Variants in AMZ1 observed in about 807,000 individuals in gnomAD.
The protein encoded by AMZ1 is archaelysin family metallopeptidase 1.
A neutral mutation model predicts 29.9 loss-of-function variants in AMZ1; 39 were observed. That is an observed-to-expected ratio of 1.30 (90% CI 1.01 to 1.70). The LOEUF (loss-of-function observed/expected upper bound fraction) is 1.70, where lower values mean the gene tolerates loss of function less well. Ranked by LOEUF, AMZ1 falls within the 40% of genes most tolerant of loss-of-function variation. The probability of loss-of-function intolerance (pLI) is 0.00; values close to 1 mark genes in which losing one functional copy is unlikely to be tolerated. For missense variants in AMZ1, 1,041 were observed against 680.6 expected, an observed-to-expected ratio of 1.53 and a Z score of -5.89; for synonymous variants, 458 against 304.0, an observed-to-expected ratio of 1.51 and a Z score of -5.27.
At chr7:2,749,867 A>G (rs1279992821) in intron 4 of AMZ1, among the ~76,000 whole-genome samples, 1 of 152,192 alleles carries the variant, frequency 6.6e-6, no homozygotes, top group Non-Finnish European at 1.5e-5. Context: ...TCCAATCTCA[A>G]AAAGAGAAAA....
At chr7:2,684,483 C>T (rs779413232), upstream of AMZ1, among the ~76,000 whole-genome samples, 10 of 152,232 alleles carry the variant, frequency 6.6e-5, no homozygotes, top group East Asian at 3.8e-4. Context: ...AACCCCAAGT[C>T]GGCCTGGGTC....
intron 1 of AMZ1, among the ~76,000 whole-genome samples, chr7:2,693,448 C>T (rs1419167948): frequency 1.3e-5 from 2 of 152,176 alleles, no homozygotes; most frequent in African/African-American, 2.4e-5. Flanking sequence ...GGTGCGATCA[C>T]AGCTCACTGC....
chr7:2,727,018 T>C (rs1395064075), intron 4 of AMZ1, among the ~76,000 whole-genome samples: 1 of 152,228 alleles, frequency 6.6e-6, no homozygotes, highest in Non-Finnish European at 1.5e-5. Context: ...TTTAGGTGTA[T>C]ATGCTGCCAT....
At chr7:2,722,876 G>A (rs1021633765), downstream of AMZ1, among the ~76,000 whole-genome samples, 22 of 152,146 alleles carry the variant, frequency 1.4e-4, no homozygotes, top group Non-Finnish European at 2.4e-4. Flanking sequence ...TACTTGGAAG[G>A]CCAAGGTGGG....
intron 4 of AMZ1, chr7:2,728,256 G>A (rs980100112): frequency 2.6e-5 from 4 of 152,242 alleles, no homozygotes; most frequent in African/African-American, 9.7e-5. Flanking sequence ...CATTCCAATG[G>A]GAGCCTCTGC....
At chr7:2,753,822 G>C (rs1791153035) in intron 4 of AMZ1, among the ~76,000 whole-genome samples, 1 of 151,904 alleles carries the variant, frequency 6.6e-6, no homozygotes, top group Non-Finnish European at 1.5e-5. Flanking sequence ...GTTTCTTCTG[G>C]GATATCTTTT....
upstream of AMZ1, chr7:2,688,082 G>C (rs1049975452): frequency 6.6e-6 from 1 of 152,320 alleles, no homozygotes; most frequent in African/African-American, 2.4e-5. Context: ...GGAGGGAGTG[G>C]GGCAGGACGC....
chr7:2,725,492 C>A (rs1401342254), intron 4 of AMZ1, among the ~76,000 whole-genome samples: 1 of 152,230 alleles, frequency 6.6e-6, no homozygotes, highest in Non-Finnish European at 1.5e-5. Flanking sequence ...AAATAACCTG[C>A]CTCCAAGTTC....
intron 4 of AMZ1, chr7:2,729,321 G>A (rs1243309421): frequency 6.6e-6 from 1 of 152,368 alleles, no homozygotes; most frequent in Non-Finnish European, 1.5e-5. Context: ...CCACCCCGAG[G>A]GCCCCACCAG....
downstream of AMZ1, among the ~76,000 whole-genome samples, chr7:2,720,402 T>C (rs891874309): frequency 2.0e-5 from 3 of 152,156 alleles, no homozygotes; most frequent in African/African-American, 7.2e-5. Context: ...AGGGGATCAT[T>C]ATTTTTTTGA....
rs1789225811 is a variant in AMZ1, at chr7:2,717,956, T to C, written c.*5078T>C. On this transcript the variant is annotated 3_prime_UTR_variant, in exon 7 of 7. Coordinates refer to ENST00000683327, the MANE Select transcript of AMZ1 (RefSeq NM_001384743.1). The stretch of plus-strand genomic sequence containing the variant: ...CCCGTGACGATGAGGCAAATCCAAA[T>C]AGTCACCGGAGTCGAGCAAACACGG... 6.6e-6 allele frequency among the ~76,000 whole-genome samples: 1 copy of C among 152,122 alleles called. No homozygotes were observed. Among genetic ancestry groups the C allele is most frequent in the African/African-American group, 2.4e-5 (1 of 41,418 alleles).
chr7:2,707,887 G>A (rs1332638460), intron 3 of AMZ1, among the ~76,000 whole-genome samples: 1 of 144,024 alleles, frequency 6.9e-6, no homozygotes, highest in Non-Finnish European at 1.5e-5. Context: ...GCAGTGGCGT[G>A]ATGTCAGCTC....
At chr7:2,727,858 C>T (rs544402051) in intron 4 of AMZ1, among the ~76,000 whole-genome samples, 2 of 151,520 alleles carry the variant, frequency 1.3e-5, no homozygotes, top group Non-Finnish European at 2.9e-5. Context: ...GAGATAGAGA[C>T]CACCCTGGCC....
At chr7:2,705,428 A>G (rs546166320) in intron 3 of AMZ1, among the ~76,000 whole-genome samples, 17 of 152,246 alleles carry the variant, frequency 1.1e-4, no homozygotes, top group African/African-American at 3.6e-4. Flanking sequence ...TTTTTAGTGT[A>G]AGGTTCTGAG....
intron 4 of AMZ1, among the ~76,000 whole-genome samples, chr7:2,745,154 A>C (rs1790705616): frequency 6.6e-6 from 1 of 152,226 alleles, no homozygotes; most frequent in African/African-American, 2.4e-5. Flanking sequence ...ATTCAAAATC[A>C]GGAAATACAG....
chr7:2,703,173 G>T (rs1367271332), intron 3 of AMZ1, among the ~76,000 whole-genome samples: 3 of 152,108 alleles, frequency 2.0e-5, no homozygotes, highest in African/African-American at 7.2e-5. Context: ...TTGAGACGGA[G>T]TCTTGCTCTG....
chr7:2,726,188 G>C (rs2115258716), intron 4 of AMZ1, among the ~76,000 whole-genome samples: 1 of 152,342 alleles, frequency 6.6e-6, no homozygotes, highest in East Asian at 1.9e-4. Flanking sequence ...CGTGAGGAAA[G>C]ATTAGCAAGG....
chr7:2,692,253 G>T (rs1181928104), intron 1 of AMZ1, among the ~76,000 whole-genome samples: 1 of 152,036 alleles, frequency 6.6e-6, no homozygotes, highest in Non-Finnish European at 1.5e-5. Flanking sequence ...AAAGAGGACC[G>T]AGCTTGGCCG....
intron 4 of AMZ1, among the ~76,000 whole-genome samples, chr7:2,744,406 C>T (rs992787092): frequency 2.0e-5 from 3 of 152,206 alleles, no homozygotes; most frequent in African/African-American, 7.2e-5. Context: ...CCCAAGCAAA[C>T]AGGGTCTGGA....
Sources: allele counts gnomAD v4.1 joint callset (sites outside exome capture counted in the v4.1 genomes callset), GRCh38; gene constraint gnomAD v4.1.1; transcripts MANE v1.5; gene names NCBI Gene and HGNC (gene_info 2026-07-23, HGNC 2026-07-21).